GNLY: variants seen among roughly 807,000 people sequenced by gnomAD.
GNLY encodes T-cell activation protein 519.
Under a neutral mutation model 18.5 loss-of-function variants are expected in GNLY, and 15 were observed. The observed-to-expected ratio is 0.81, with a 90% confidence interval of 0.54 to 1.25. GNLY has a LOEUF of 1.25. Ranked by LOEUF, GNLY falls within the 50% of genes most tolerant of loss-of-function variation. GNLY has a pLI of 0.00. For synonymous variants in GNLY, 77 were observed against 74.9 expected (o/e 1.03, Z -0.14); for missense variants, 178 against 186.9 (o/e 0.95, Z 0.28).
At position 85,695,370 on chromosome 2, in the gene GNLY, C is replaced by G. The variant is rs555596174; in HGVS notation, c.103C>G (p.His35Asp). The change falls in exon 2 of 5, where the codon CAC becomes GAC. Residue 35 changes from histidine to aspartate, a missense_variant. His to Asp is a moderately conservative substitution (Grantham distance 81). Transcript: ENST00000263863. The stretch of plus-strand genomic sequence containing the variant: ...TGAGTACTACGACCTGGCAAGAGCC[C>G]ACCTGCGTGATGAGGAGAAATCCTG... ...SPEYYDLARAHLRDEEKSCPC... is the reference protein window; with the variant it reads ...SPEYYDLARADLRDEEKSCPC... 11 of 1,613,990 alleles carry G rather than the reference C, an allele frequency of 6.8e-6. No homozygotes were observed. The East Asian group carries it at 2.5e-4, about 36-fold the overall frequency.
chr2:85,694,735 C>T (rs1364282442), intron 1 of GNLY: 9 of 1,436,736 alleles, frequency 6.3e-6, no homozygotes, highest in Non-Finnish European at 7.3e-6. Flanking sequence ...GGCCTGAGAC[C>T]CCCCTTTCCC....
At chr2:85,695,747 C>T (rs1678417747) in intron 2 of GNLY, among the ~76,000 whole-genome samples, 2 of 152,082 alleles carry the variant, frequency 1.3e-5, no homozygotes, top group African/African-American at 4.8e-5. Context: ...GTGTGGGAGG[C>T]TGTTTCTGGG....
At chr2:85,697,126 C>A in intron 3 of GNLY, 1 of 190,242 alleles carries the variant, frequency 5.3e-6, no homozygotes, top group Non-Finnish European at 1.1e-5. Context: ...CACCAGTCTT[C>A]TCTATGCACC....
chr2:85,698,467 G>C (rs1323429308), intron 4 of GNLY, 97 bp from the exon 5 acceptor site: 2 of 1,605,028 alleles, frequency 1.2e-6, no homozygotes, highest in African/African-American at 2.7e-5. Flanking sequence ...GTAGGGTCAG[G>C]TGGCTCTGGG....
At position 85,698,843 on chromosome 2, in the gene GNLY, G is replaced by T. The variant is rs926444257; in HGVS notation, c.*269G>T. On this transcript the variant is annotated 3_prime_UTR_variant, in exon 5 of 5. Coordinates refer to ENST00000263863, the MANE Select transcript of GNLY (RefSeq NM_006433.5). ...TGTAGTCCTTCAATAAATGTCTGTC[G>T]TGTGTCCCATACACTGTTGTAGATG... 7.0e-7 allele frequency: 1 copy of T among 1,419,480 alleles called. No homozygotes were observed. The highest frequency in any genetic ancestry group is 9.2e-7 in the Non-Finnish European group (1 of 1,085,018). 87.9% of individuals were successfully genotyped at this position (1,419,480 alleles called of 1,614,324 possible). A position where few individuals can be genotyped will look rare whatever the true frequency, so the allele number is the denominator to read the frequency against.
In GNLY at chr2:85,697,638, C is replaced by G; in HGVS notation, c.388C>G (p.Gln130Glu). Residue 130 changes from glutamine (Q) to glutamate (E), a missense_variant, in exon 4 of 5, where the codon CAG becomes GAG. Physicochemically the swap from Gln to Glu is conservative, Grantham distance 29. Coordinates refer to ENST00000263863, the MANE Select transcript of GNLY (RefSeq NM_006433.5). ...CCTCGTGGCCGGAGAAACTGCCCAG[C>G]AGATCTGTGAGGACCTCAGGTTGTG... ...QGLVAGETAQ[Q>E]ICEDLRLCIP... 1.2e-6 allele frequency: 2 copies of G among 1,613,532 alleles called. No individual in the cohort carries two copies. Among genetic ancestry groups the G allele is most frequent in the Non-Finnish European group, 1.7e-6 (2 of 1,179,450 alleles).
Position 85,698,640 on chromosome 2 carries a change from A to G in GNLY, c.*66A>G, listed in dbSNP as rs926128652. 2 of 1,612,608 alleles carry G rather than the reference A, an allele frequency of 1.2e-6. No homozygotes were observed. Among genetic ancestry groups the G allele is most frequent in the Non-Finnish European group, 1.7e-6 (2 of 1,179,794 alleles). On this transcript the variant is annotated 3_prime_UTR_variant, in exon 5 of 5. Transcript: ENST00000263863. ...TCCTCAGATCCCGGGAACCTCAGCA[A>G]CCTCTGCCGGCTCCTCGCTTCCTCG...
rs1201095613 is a variant in GNLY at position 85,694,484 on chromosome 2, C to T, written c.52+14C>T. The stretch of plus-strand genomic sequence containing the variant: ...TGGGCAACCCAGGTAAGGCCTTCCC[C>T]TCGGGATCGATCCTGATGGCCCACC... On this transcript the variant is annotated intron_variant, in intron 1 of 4. Coordinates refer to ENST00000263863, the MANE Select transcript of GNLY (RefSeq NM_006433.5). The T allele has an allele frequency of 6.2e-7, 1 of 1,612,994 alleles. No individual in the cohort carries two copies. Among genetic ancestry groups the T allele is most frequent in the Non-Finnish European group, 8.5e-7 (1 of 1,179,168 alleles).
In GNLY at chr2:85,698,755, C is replaced by T. The variant is rs1029369996; in HGVS notation, c.*181C>T. On this transcript the variant is annotated 3_prime_UTR_variant, in exon 5 of 5. Transcript: ENST00000263863. ...ATAAAGTGTCAAGCAAGATTTTAGC[C>T]GCAGCTGCTTCTTCTTTGGTGGATT... The T allele has an allele frequency of 1.6e-5, 24 of 1,522,856 alleles. No homozygotes were observed. The highest frequency in any genetic ancestry group is 3.4e-4 in the Middle Eastern group (2 of 5,924). 94.3% of individuals were successfully genotyped at this position (1,522,856 alleles called of 1,614,324 possible).
intron 1 of GNLY, 35 bp from the exon 2 acceptor site, chr2:85,695,285 C>T (rs1029408215): frequency 4.2e-6 from 6 of 1,440,624 alleles, no homozygotes; most frequent in Admixed American, 3.4e-5. Context: ...CTCCTTCCGC[C>T]TGCGGAGGGG....
chr2:85,694,791 C>G (rs1678374044), intron 1 of GNLY: 3 of 1,447,982 alleles, frequency 2.1e-6, no homozygotes, highest in Non-Finnish European at 2.7e-6. Flanking sequence ...GCCATTGGCC[C>G]TCATCGGTGG....
rs774261151 is a variant in GNLY at position 85,698,756 on chromosome 2, G to T, written c.*182G>T. The T allele has an allele frequency of 6.6e-6, 10 of 1,521,560 alleles. No individual in the cohort carries two copies. The highest frequency in any genetic ancestry group is 7.9e-6 in the Non-Finnish European group (9 of 1,136,388). The allele number at this position is 1,521,560 out of a possible 1,614,324, so 94.3% of individuals were successfully genotyped here. A position where few individuals can be genotyped will look rare whatever the true frequency, so the allele number is the denominator to read the frequency against. ...TAAAGTGTCAAGCAAGATTTTAGCCGCAGCTGCTTCTTCTTTGGTGGATTT... is the reference window on the plus strand; with the variant it reads ...TAAAGTGTCAAGCAAGATTTTAGCCTCAGCTGCTTCTTCTTTGGTGGATTT... On this transcript the variant is annotated 3_prime_UTR_variant, in exon 5 of 5. Coordinates refer to ENST00000263863, the MANE Select transcript of GNLY (RefSeq NM_006433.5).
chr2:85,694,772 G>T, intron 1 of GNLY: 2 of 1,441,844 alleles, frequency 1.4e-6, no homozygotes, highest in East Asian at 2.5e-5. Context: ...CCGCATCTGC[G>T]TGGTGAAGGC....
At chr2:85,695,293 G>A in intron 1 of GNLY, 27 bp from the exon 2 acceptor site, 3 of 1,492,284 alleles carry the variant, frequency 2.0e-6, no homozygotes, top group Non-Finnish European at 1.9e-6. Flanking sequence ...GCCTGCGGAG[G>A]GGAAGCTGAA....
intron 1 of GNLY, chr2:85,694,811 T>G: frequency 6.9e-7 from 1 of 1,457,266 alleles, no homozygotes; most frequent in Non-Finnish European, 9.0e-7. Context: ...GATCTGCGTT[T>G]CCTCGGGCCT....
chr2:85,698,562 A>G lies in GNLY; in HGVS notation c.428-2A>G. On this transcript the variant is annotated splice_acceptor_variant, in intron 4 of 4. Coordinates refer to ENST00000263863, the MANE Select transcript of GNLY (RefSeq NM_006433.5). LOFTEE classifies it high-confidence loss of function. ...CACAGCTGGCTGTTCTCTCCTCTCC[A>G]GGTCCCCTCTGAGCCCTCTCACCTT... 6.2e-7 allele frequency: 1 copy of G among 1,612,976 alleles called. No individual in the cohort carries two copies. The highest frequency in any genetic ancestry group is 1.1e-5 in the South Asian group (1 of 91,060).
intron 2 of GNLY, 138 bp downstream of exon 2, chr2:85,695,561 T>A (rs1678410906): frequency 1.5e-6 from 1 of 648,774 alleles, no homozygotes; most frequent in South Asian, 1.8e-5. Context: ...CGATGCTGGT[T>A]TTGTTGAATT....
intron 1 of GNLY, chr2:85,694,853 A>G: frequency 6.5e-7 from 1 of 1,527,774 alleles, no homozygotes; most frequent in Non-Finnish European, 8.7e-7. Flanking sequence ...GGCTGGTGAG[A>G]GAACAAGATC....
intron 3 of GNLY, 176 bp from the exon 4 acceptor site, chr2:85,697,330 T>G (rs1678494543): frequency 3.3e-6 from 2 of 614,680 alleles, no homozygotes; most frequent in South Asian, 2.0e-5. Flanking sequence ...GGGCCAGGCC[T>G]TGGGGACTGG....
Sources: gnomAD v4.1 joint callset for allele counts (sites outside exome capture counted in the v4.1 genomes callset) on GRCh38, gnomAD v4.1.1 for gene constraint, MANE v1.5 for transcripts, NCBI Gene and HGNC (gene_info 2026-07-23, HGNC 2026-07-21) for gene names.